Variants in BIRC6 observed in about 807,000 individuals in gnomAD.
BIRC6 encodes the protein dual E2 ubiquitin-conjugating enzyme/E3 ubiquitin-protein ligase BIRC6.
In BIRC6, 98 loss-of-function variants were observed where a neutral mutation model predicts 503.3. The ratio of observed to expected loss-of-function variants is 0.19; its 90% CI spans 0.17 to 0.23. The LOEUF (loss-of-function observed/expected upper bound fraction) is 0.23, where lower values mean the gene tolerates loss of function less well. Among genes scored for constraint, BIRC6 ranks in the 10% least tolerant of loss-of-function variants. The pLI is 1.00. For missense variants in BIRC6, 5,360 were observed against 5,806.0 expected, an observed-to-expected ratio of 0.92 and a Z score of 2.50; for synonymous variants, 2,240 against 2,078.7, an observed-to-expected ratio of 1.08 and a Z score of -2.11.
chr2:32,388,810 G>A lies in BIRC6; in HGVS notation c.706G>A (p.Val236Ile). 1.2e-6 allele frequency: 2 copies of A among 1,613,112 alleles called. No individual in the cohort carries two copies. The highest frequency in any genetic ancestry group is 1.1e-5 in the South Asian group (1 of 90,984). Residue 236 changes from valine (V) to isoleucine (I), a missense_variant, in exon 4 of 74, where the codon GTA (valine) becomes ATA (isoleucine). Coordinates refer to ENST00000421745, the MANE Select transcript of BIRC6 (RefSeq NM_016252.4). ...GTTGAAGTCCATTGCCAGTGCCATT[G>A]TAAATGAACTCAAGAAAATAAATCA... ...HVLKSIASAI[V>I]NELKKINQNV...
chr2:32,369,976 A>G (rs1470395992), intron 1 of BIRC6, among the ~76,000 whole-genome samples: 4 of 60,434 alleles, frequency 6.6e-5, no homozygotes, highest in South Asian at 6.2e-4. Context: ...ATATATATAT[A>G]TATATATATG....
chr2:32,572,674 G>A (rs115452818), intron 65 of BIRC6, among the ~76,000 whole-genome samples: 112 of 152,240 alleles, frequency 7.4e-4, no homozygotes, highest in African/African-American at 2.6e-3. Context: ...ATTATAGTAA[G>A]TAGGATGTTG....
intron 1 of BIRC6, among the ~76,000 whole-genome samples, chr2:32,360,089 G>GT (rs1483208803): frequency 6.6e-6 from 1 of 152,082 alleles, no homozygotes; most frequent in Non-Finnish European, 1.5e-5. Context: ...CCTCTTTCCC[G>GT]TTTATGGGCA....
chr2:32,591,095 T>G, intron 66 of BIRC6: 1 of 524,572 alleles, frequency 1.9e-6, no homozygotes, highest in Non-Finnish European at 2.4e-6. Context: ...TTAGAATCAT[T>G]GATAGGCAGG....
intron 23 of BIRC6, among the ~76,000 whole-genome samples, chr2:32,456,003 G>A (rs2047222269): frequency 6.6e-6 from 1 of 152,164 alleles, no homozygotes; most frequent in Non-Finnish European, 1.5e-5. Context: ...ATGCGGAAAA[G>A]TGCAGAAAAT....
Position 32,546,572 on chromosome 2 carries a change from CTG to C in BIRC6, c.12810+716_12810+717del, listed in dbSNP as rs568158783. ...TCCAGACTGGGCGACAAGAGTGAAA[CTG>C]TGTCTCAAAAAGAAAAAAAAAAATA... is the stretch of plus-strand genomic sequence containing the variant. On this transcript the variant is annotated intron_variant, in intron 63 of 73. Coordinates refer to ENST00000421745, the MANE Select transcript of BIRC6 (RefSeq NM_016252.4). Among the ~76,000 whole-genome samples the C allele has an allele frequency of 2.7e-3, 415 of 151,144 alleles. 3 individuals carry two copies. Among genetic ancestry groups the C allele is most frequent in the Non-Finnish European group, 4.0e-3 (274 of 67,830 alleles).
chr2:32,469,131 A>T (rs1003856696), intron 29 of BIRC6, among the ~76,000 whole-genome samples: 5 of 152,202 alleles, frequency 3.3e-5, no homozygotes. Context: ...TTTGATCATT[A>T]CACGAGCTCA....
At chr2:32,364,954 T>TG (rs910655419) in intron 1 of BIRC6, among the ~76,000 whole-genome samples, 2 of 152,176 alleles carry the variant, frequency 1.3e-5, no homozygotes, top group African/African-American at 4.8e-5. Flanking sequence ...CTTCGGTACA[T>TG]GCGGCATTCC....
chr2:32,561,360 G>T (rs980055598), intron 65 of BIRC6, among the ~76,000 whole-genome samples: 1 of 151,706 alleles, frequency 6.6e-6, no homozygotes, highest in African/African-American at 2.4e-5. Flanking sequence ...TCCTGCCTCA[G>T]CGACCTGAGT....
intron 55 of BIRC6, among the ~76,000 whole-genome samples, chr2:32,516,476 A>G (rs931524929): frequency 4.0e-5 from 6 of 150,562 alleles, no homozygotes; most frequent in Admixed American, 2.0e-4. Context: ...AAATCTTACT[A>G]CTGCACTCCA....
At chr2:32,412,143 G>A (rs2041954784) in intron 9 of BIRC6, among the ~76,000 whole-genome samples, 1 of 152,118 alleles carries the variant, frequency 6.6e-6, no homozygotes, top group Non-Finnish European at 1.5e-5. Flanking sequence ...CTGTGTTTCA[G>A]TATAGAAACT....
chr2:32,561,737 A>ATT (rs1553507428), intron 65 of BIRC6, among the ~76,000 whole-genome samples: 14 of 140,786 alleles, frequency 9.9e-5, no homozygotes, highest in African/African-American at 2.9e-4. Context: ...ATATATATAT[A>ATT]TATTTATTTA....
chr2:32,519,579 G>A (rs770424684), intron 57 of BIRC6, among the ~76,000 whole-genome samples: 5 of 152,194 alleles, frequency 3.3e-5, no homozygotes, highest in South Asian at 2.1e-4. Context: ...GCAGTGGAAC[G>A]ATCTTGGCTC....
At chr2:32,597,257 A>G (rs745940437) in intron 68 of BIRC6, among the ~76,000 whole-genome samples, 2 of 152,232 alleles carry the variant, frequency 1.3e-5, no homozygotes, top group African/African-American at 2.4e-5. Context: ...ATCATATGCA[A>G]CATCTCAGTG....
chr2:32,505,337 T>G (rs552410311), intron 50 of BIRC6, 132 bp downstream of exon 50: 1 of 717,728 alleles, frequency 1.4e-6, no homozygotes, highest in African/African-American at 1.8e-5. Flanking sequence ...GAACAGTTTT[T>G]ATTGAAATAA....
Position 32,435,521 on chromosome 2 carries a change from T to G in BIRC6, c.3435T>G (p.Asn1145Lys), listed in dbSNP as rs745662332. 3.9e-6 allele frequency: 6 copies of G among 1,554,288 alleles called. No individual in the cohort carries two copies. The African/African-American group carries it at 8.2e-5, about 21-fold the overall frequency. ...VNALNIEVEQ[N>K]GKPSLVDLNE... ...CTCTTAACATTGAAGTGGAACAAAATGGGAAACCGTCCCTGGTTGATTTGA... is the reference window on the plus strand; with the variant it reads ...CTCTTAACATTGAAGTGGAACAAAAGGGGAAACCGTCCCTGGTTGATTTGA... Residue 1145 changes from asparagine to lysine, a missense_variant, in exon 14 of 74, where the codon AAT becomes AAG. By Grantham distance (94) the Asn-to-Lys change is moderately conservative. Transcript: ENST00000421745.
intron 45 of BIRC6, among the ~76,000 whole-genome samples, chr2:32,495,762 G>T (rs2052366292): frequency 7.0e-6 from 1 of 142,892 alleles, no homozygotes; most frequent in Admixed American, 6.9e-5. Flanking sequence ...TTATATTTAG[G>T]CTTGTTATTT....
chr2:32,420,501 A>G (rs1360908435), intron 10 of BIRC6, among the ~76,000 whole-genome samples: 2 of 152,048 alleles, frequency 1.3e-5, no homozygotes, highest in African/African-American at 4.8e-5. Context: ...AATATTCCCC[A>G]CAATCATTTT....
At chr2:32,504,692 T>TA (rs1213574739) in intron 49 of BIRC6, among the ~76,000 whole-genome samples, 19 of 151,468 alleles carry the variant, frequency 1.3e-4, no homozygotes, top group African/African-American at 2.4e-4. Context: ...AATAAATAAA[T>TA]AATAAAAAAA....
Sources: allele counts gnomAD v4.1 joint callset (sites outside exome capture counted in the v4.1 genomes callset), GRCh38; gene constraint gnomAD v4.1.1; transcripts MANE v1.5; gene names NCBI Gene and HGNC (gene_info 2026-07-23, HGNC 2026-07-21).